HMCN1: variants seen among roughly 807,000 people sequenced by gnomAD.
The protein encoded by HMCN1 is hemicentin 1.
A neutral mutation model predicts 625.9 loss-of-function variants in HMCN1; 321 were observed. The observed-to-expected ratio is 0.51, with a 90% confidence interval of 0.47 to 0.56. The LOEUF (loss-of-function observed/expected upper bound fraction) is 0.56, where lower values mean the gene tolerates loss of function less well. Ranked by LOEUF, HMCN1 falls within the 20% of genes least tolerant of loss-of-function variation. The probability of loss-of-function intolerance (pLI) is 0.00; values close to 1 mark genes in which losing one functional copy is unlikely to be tolerated. For missense variants in HMCN1, 6,588 were observed against 6,887.3 expected, an observed-to-expected ratio of 0.96 and a Z score of 1.54; for synonymous variants, 2,425 against 2,417.6, an observed-to-expected ratio of 1.00 and a Z score of -0.09.
chr1:186,152,965 G>T, intron 96 of HMCN1, 94 bp downstream of exon 96: 1 of 1,487,310 alleles, frequency 6.7e-7, no homozygotes, highest in Non-Finnish European at 9.4e-7. Context: ...TTCACTCTGT[G>T]GGGGAAAATG....
intron 11 of HMCN1, among the ~76,000 whole-genome samples, chr1:185,938,543 C>A (rs1202305441): frequency 1.3e-5 from 2 of 151,956 alleles, no homozygotes; most frequent in African/African-American, 4.8e-5. Context: ...TCAGATAATT[C>A]ATTTTCCTTA....
chr1:185,988,059 A>G (rs970252799), intron 20 of HMCN1, among the ~76,000 whole-genome samples: 1 of 152,200 alleles, frequency 6.6e-6, no homozygotes, highest in African/African-American at 2.4e-5. Context: ...TGTTCACTGT[A>G]ATGTTGCTAA....
chr1:185,963,666 C>T, intron 12 of HMCN1, 102 bp from the exon 13 acceptor site: 1 of 890,034 alleles, frequency 1.1e-6, no homozygotes, highest in South Asian at 1.4e-5. Context: ...AAAAATATAA[C>T]TCTACAACGT....
intron 96 of HMCN1, 67 bp downstream of exon 96, chr1:186,152,938 T>G (rs1650768624): frequency 6.3e-7 from 1 of 1,587,478 alleles, no homozygotes; most frequent in Non-Finnish European, 8.6e-7. Context: ...GTCCATAGAA[T>G]GAGCACAGAT....
rs777448328 is a variant in HMCN1, at chr1:185,997,475, C to T, written c.3825C>T (p.Phe1275=). 9 of 1,612,888 alleles carry T rather than the reference C, an allele frequency of 5.6e-6. No homozygotes were observed. Among genetic ancestry groups the T allele is most frequent in the Non-Finnish European group, 7.6e-6 (9 of 1,179,282 alleles). ...EDLEPPYNTT[F]QERVANQRIE... ...TAGAACCTCCATATAACACTACTTT[C>T]CAAGAAAGAGTGGCCAATCAACGCA... is the stretch of plus-strand genomic sequence containing the variant. Residue 1275 remains phenylalanine, a synonymous_variant, in exon 25 of 107, where the codon TTC becomes TTT. Transcript: ENST00000271588.
intron 65 of HMCN1, 66 bp from the exon 66 acceptor site, chr1:186,093,420 A>C (rs1659952882): frequency 1.9e-6 from 3 of 1,589,210 alleles, no homozygotes; most frequent in Non-Finnish European, 2.6e-6. Context: ...TTGTAGTAGA[A>C]ATTATTTGAA....
chr1:186,132,294 C>T (rs1661980291), intron 85 of HMCN1, 34 bp from the exon 86 acceptor site: 3 of 1,500,044 alleles, frequency 2.0e-6, no homozygotes, highest in African/African-American at 2.8e-5. Flanking sequence ...TCTGTAGGCT[C>T]ATATTTTTGT....
chr1:186,102,919 C>T (rs1480754344), intron 68 of HMCN1, among the ~76,000 whole-genome samples: 1 of 152,052 alleles, frequency 6.6e-6, no homozygotes, highest in African/African-American at 2.4e-5. Flanking sequence ...GTATAAGTAA[C>T]AAAAGAGGAA....
At chr1:185,859,521 T>C (rs1302074499) in intron 2 of HMCN1, among the ~76,000 whole-genome samples, 1 of 152,190 alleles carries the variant, frequency 6.6e-6, no homozygotes, top group African/African-American at 2.4e-5. Context: ...TTAATTTAAA[T>C]TTTAATTAAA....
chr1:185,812,073 T>A (rs58597777), intron 1 of HMCN1, among the ~76,000 whole-genome samples: 8,988 of 152,228 alleles, frequency 0.059, 899 homozygotes, highest in African/African-American at 0.2. Flanking sequence ...CAGTCAGCTA[T>A]TCTCTAAGTA....
At chr1:185,852,518 G>T in intron 2 of HMCN1, among the ~76,000 whole-genome samples, 1 of 150,208 alleles carries the variant, frequency 6.7e-6, no homozygotes. Flanking sequence ...ATTCAACTTA[G>T]AAAAGCAGTT....
rs755982979 is a variant in HMCN1 at position 186,189,780 on chromosome 1, C to T, written c.16810C>T (p.Arg5604Cys). 96 of 1,613,614 alleles carry T rather than the reference C, an allele frequency of 5.9e-5. No individual in the cohort carries two copies. The highest frequency in any genetic ancestry group is 1.9e-4 in the South Asian group (17 of 91,042). ...TRPLREAETY[R>C]MRVRASSYSA... Reference sequence around the variant, plus strand: ...ACCACTACGAGAAGCAGAGACCTACCGCATGAGGGTCCGAGCCTCATCCTA... The same window carrying T: ...ACCACTACGAGAAGCAGAGACCTACTGCATGAGGGTCCGAGCCTCATCCTA... Residue 5604 changes from arginine (R) to cysteine (C), a missense_variant, in exon 107 of 107, where the codon CGC becomes TGC. Physicochemically the swap from Arg to Cys is radical, Grantham distance 180 (BLOSUM62 -3). This residue lies in a region of HMCN1 where 1,954 missense variants were observed against 2,013.1 expected (regional missense o/e 0.97). Transcript: ENST00000271588.
intron 97 of HMCN1, among the ~76,000 whole-genome samples, chr1:186,160,746 AATCCTGAGTTCTAGTTTGATTGCACT>A (rs1651405183): frequency 1.3e-5 from 2 of 152,074 alleles, no homozygotes; most frequent in African/African-American, 4.8e-5. Context: ...TGAGTTTCTT[AATCCTGAGTTCTAGTTTGATTGCACT>A]GTGGTCTGAG....
chr1:186,087,657 ATTC>A lies in HMCN1; in HGVS notation c.9363+15_9363+17del. 6.2e-7 allele frequency: 1 copy of A among 1,611,584 alleles called. No individual in the cohort carries two copies. The highest frequency in any genetic ancestry group is 8.5e-7 in the Non-Finnish European group (1 of 1,178,110). ...TTAAGAAAGCTGAGGTGCATCTTTT[ATTC>A]TTGTTTGAGTGTCATGACACCTTGG... On this transcript the variant is annotated intron_variant, in intron 60 of 106. Transcript: ENST00000271588.
chr1:186,178,638 G>A lies in HMCN1; in HGVS notation c.16166G>A (p.Arg5389Lys), dbSNP rs2102655679. 6.2e-7 allele frequency: 1 copy of A among 1,614,062 alleles called. No individual in the cohort carries two copies. Residue 5389 changes from arginine to lysine, a missense_variant, in exon 104 of 107, where the codon AGA becomes AAA. Physicochemically the swap from Arg to Lys is conservative, Grantham distance 26. Around this residue, in one of 3 missense-constraint regions of HMCN1, gnomAD observed 1,954 missense variants for 2,013.1 expected, o/e 0.97. Transcript: ENST00000271588. ...RNNYQPQQHY[R>K]QYSHLYSSYS... ...AACTATCAACCTCAACAGCATTACA[G>A]ACAGTACTCACATCTCTACAGCTCC...
intron 1 of HMCN1, among the ~76,000 whole-genome samples, chr1:185,737,930 A>T (rs1364609135): frequency 6.6e-6 from 1 of 152,162 alleles, no homozygotes; most frequent in Non-Finnish European, 1.5e-5. Context: ...AGGGTGTCTA[A>T]CAAGTTGAAA....
At chr1:186,082,472 CA>C (rs1250459922) in intron 56 of HMCN1, among the ~76,000 whole-genome samples, 1 of 152,130 alleles carries the variant, frequency 6.6e-6, no homozygotes, top group Non-Finnish European at 1.5e-5. Flanking sequence ...CACGAGTGAA[CA>C]GGCTTCAGTT....
chr1:185,921,547 A>G (rs1490215639), intron 6 of HMCN1, among the ~76,000 whole-genome samples: 2 of 152,180 alleles, frequency 1.3e-5, no homozygotes, highest in African/African-American at 4.8e-5. Context: ...CTTCCAGTGC[A>G]TTCTGTCATT....
chr1:186,100,364 A>T (rs972227878), intron 68 of HMCN1, among the ~76,000 whole-genome samples: 7 of 152,100 alleles, frequency 4.6e-5, no homozygotes, highest in Non-Finnish European at 7.4e-5. Flanking sequence ...CAAACATCTT[A>T]ACTTGGGGAA....
Sources: allele counts gnomAD v4.1 joint callset (sites outside exome capture counted in the v4.1 genomes callset), GRCh38; gene constraint gnomAD v4.1.1; regional missense constraint gnomAD v4.1.1; transcripts MANE v1.5; gene names NCBI Gene and HGNC (gene_info 2026-07-23, HGNC 2026-07-21).